POFUT3: variants seen among roughly 807,000 people sequenced by gnomAD.
POFUT3 encodes GDP-fucose protein O-fucosyltransferase 3.
the POFUT3 span, among the ~76,000 whole-genome samples, chr8:33,385,087 C>T: frequency 6.6e-6 from 1 of 152,206 alleles, no homozygotes; most frequent in African/African-American, 2.4e-5. Flanking sequence ...GTAGTCCATA[C>T]ATGGGACTGT....
the POFUT3 span, among the ~76,000 whole-genome samples, chr8:33,471,343 G>A: frequency 1.3e-5 from 2 of 152,082 alleles, no homozygotes; most frequent in African/African-American, 4.8e-5. Context: ...CTCCTTCCAG[G>A]TTCAAGTGAT....
the POFUT3 span, chr8:33,453,359 A>G: frequency 1.9e-6 from 3 of 1,614,170 alleles, no homozygotes; most frequent in Middle Eastern, 1.6e-4. Flanking sequence ...GTAGCTGTCC[A>G]ATTCCCATTT....
the POFUT3 span, among the ~76,000 whole-genome samples, chr8:33,451,436 G>A: frequency 6.6e-6 from 1 of 151,868 alleles, no homozygotes; most frequent in African/African-American, 2.4e-5. Flanking sequence ...ATATACGTGT[G>A]TATATATGTG....
the POFUT3 span, chr8:33,377,616 G>C: frequency 6.6e-6 from 1 of 152,184 alleles, no homozygotes; most frequent in Admixed American, 6.5e-5. Context: ...CTTATGAAAT[G>C]AACTCTTTCC....
chr8:33,409,090 C>T, the POFUT3 span, among the ~76,000 whole-genome samples: 1 of 152,042 alleles, frequency 6.6e-6, no homozygotes, highest in Non-Finnish European at 1.5e-5. Flanking sequence ...GATCTATGGT[C>T]ATTTTCTTTA....
chr8:33,334,949 A>C, the POFUT3 span, among the ~76,000 whole-genome samples: 2 of 152,218 alleles, frequency 1.3e-5, no homozygotes, highest in Non-Finnish European at 2.9e-5. Context: ...TTACATTTTG[A>C]GCACATTTCT....
chr8:33,325,092 TA>T, the POFUT3 span, among the ~76,000 whole-genome samples: 1 of 152,204 alleles, frequency 6.6e-6, no homozygotes, highest in Admixed American at 6.5e-5. Context: ...CCACTCTCCT[TA>T]AAGCTAAAAA....
At chr8:33,357,166 G>T in the POFUT3 span, among the ~76,000 whole-genome samples, 2 of 151,962 alleles carry the variant, frequency 1.3e-5, no homozygotes, top group African/African-American at 4.8e-5. Flanking sequence ...CTCTTTTTTG[G>T]TTCCATACGA....
chr8:33,315,109 T>G, the POFUT3 span, among the ~76,000 whole-genome samples: 6 of 152,162 alleles, frequency 3.9e-5, no homozygotes, highest in South Asian at 1.2e-3. Context: ...AGAGCATACC[T>G]CTGTGTGTAA....
chr8:33,376,945 T>C, the POFUT3 span, among the ~76,000 whole-genome samples: 1 of 152,120 alleles, frequency 6.6e-6, no homozygotes, highest in African/African-American at 2.4e-5. Context: ...AGCTAAGAAT[T>C]GACTATAAAG....
At chr8:33,323,369 C>G in the POFUT3 span, among the ~76,000 whole-genome samples, 1 of 152,186 alleles carries the variant, frequency 6.6e-6, no homozygotes, top group African/African-American at 2.4e-5. Context: ...CACTGCAAAT[C>G]TGCAGGGTGC....
At chr8:33,340,228 A>G in the POFUT3 span, among the ~76,000 whole-genome samples, 1 of 152,118 alleles carries the variant, frequency 6.6e-6, no homozygotes, top group East Asian at 1.9e-4. Context: ...AAAACAATCA[A>G]ATAATGCACA....
chr8:33,355,946 T>C, the POFUT3 span, among the ~76,000 whole-genome samples: 5 of 152,192 alleles, frequency 3.3e-5, no homozygotes, highest in African/African-American at 1.2e-4. Context: ...CTTGCGATAG[T>C]TTACTGAGAA....
chr8:33,379,152 T>G, the POFUT3 span, among the ~76,000 whole-genome samples: 1 of 152,108 alleles, frequency 6.6e-6, no homozygotes, highest in Non-Finnish European at 1.5e-5. Context: ...CTTTTCGCCA[T>G]GATTGTAAGT....
At chr8:33,433,577 A>G in the POFUT3 span, among the ~76,000 whole-genome samples, 1 of 149,952 alleles carries the variant, frequency 6.7e-6, no homozygotes, top group African/African-American at 2.5e-5. Flanking sequence ...GTGCCACTGC[A>G]CTCCAGCCTG....
At chr8:33,310,879 T>C in the POFUT3 span, among the ~76,000 whole-genome samples, 1 of 152,172 alleles carries the variant, frequency 6.6e-6, no homozygotes, top group East Asian at 1.9e-4. Flanking sequence ...CCCAATTCAC[T>C]ATTTATTTGT....
At chr8:33,351,791 G>C in the POFUT3 span, among the ~76,000 whole-genome samples, 4 of 151,726 alleles carry the variant, frequency 2.6e-5, no homozygotes, top group Non-Finnish European at 2.9e-5. Context: ...ACATTACAGA[G>C]TGAGATAAAA....
chr8:33,382,391 TG>T, the POFUT3 span, among the ~76,000 whole-genome samples: 12 of 24,784 alleles, frequency 4.8e-4, no homozygotes, highest in East Asian at 0.1. Flanking sequence ...GACAGCAAGG[TG>T]GTTTTTTTTT....
At chr8:33,401,433 C>G in the POFUT3 span, among the ~76,000 whole-genome samples, 1 of 152,156 alleles carries the variant, frequency 6.6e-6, no homozygotes, top group Non-Finnish European at 1.5e-5. Context: ...CGCTGCCCAG[C>G]TGACACAGAC....
Sources: allele counts gnomAD v4.1 joint callset (sites outside exome capture counted in the v4.1 genomes callset), GRCh38; gene constraint gnomAD v4.1.1; transcripts MANE v1.5; gene names NCBI Gene and HGNC (gene_info 2026-07-23, HGNC 2026-07-21).